Variants in NLRC5 observed in about 807,000 individuals in gnomAD.
NLRC5 encodes NLR family CARD domain containing 5, also known as protein NLRC5.
NLRC5 carries 114 observed loss-of-function variants against 206.9 expected under a neutral mutation model. The ratio of observed to expected loss-of-function variants is 0.55; its 90% confidence interval spans 0.47 to 0.64. NLRC5 has a LOEUF of 0.64. Ranked by LOEUF, NLRC5 falls within the 30% of genes least tolerant of loss-of-function variation. The pLI, the probability that NLRC5 is intolerant of heterozygous loss-of-function variation, is 0.00. For synonymous variants in NLRC5, 952 were observed against 962.8 expected (o/e 0.99, Z 0.21); for missense variants, 2,008 against 2,305.5 (o/e 0.87, Z 2.64).
intron 23 of NLRC5, 74 bp from the exon 24 acceptor site, chr16:57,051,464 C>A: frequency 1.8e-6 from 2 of 1,090,296 alleles, no homozygotes; most frequent in Non-Finnish European, 2.8e-6. Context: ...CTCCAGAAGG[C>A]TCTGGCTATG....
At chr16:57,045,949 C>T (rs547962079) in intron 21 of NLRC5, among the ~76,000 whole-genome samples, 1 of 152,366 alleles carries the variant, frequency 6.6e-6, no homozygotes, top group African/African-American at 2.4e-5. Context: ...TAGTTTAGCT[C>T]TTCATGATGT....
In NLRC5 at chr16:56,994,413, T is replaced by C. The variant is rs139659775; in HGVS notation, c.-128+4796T>C. Among the ~76,000 whole-genome samples the C allele has an allele frequency of 8.1e-4, 123 of 152,288 alleles. 2 individuals are homozygous for C. The highest frequency in any genetic ancestry group is 3.4e-3 in the Middle Eastern group (1 of 294). On this transcript the variant is annotated intron_variant, in intron 1 of 48. Transcript: ENST00000688547. ...TCATGAGTGCATTCAGCTTCTCCAC[T>C]GAGCTTCCACACACCAGGCCCTGCT...
At chr16:57,023,743 T>G in intron 4 of NLRC5, 42 bp from the exon 5 acceptor site, 1 of 1,570,786 alleles carries the variant, frequency 6.4e-7, no homozygotes, top group Non-Finnish European at 8.7e-7. Context: ...TCAGCCCAGA[T>G]CCCCAGACCC....
chr16:57,059,439 G>A (rs373852430), intron 29 of NLRC5, 28 bp from the exon 30 acceptor site: 73 of 1,589,976 alleles, frequency 4.6e-5, no homozygotes, highest in African/African-American at 9.4e-5. Context: ...TCTGGGCACC[G>A]TGCTTCCCCA....
intron 1 of NLRC5, among the ~76,000 whole-genome samples, chr16:56,999,602 T>C (rs777156811): frequency 3.9e-5 from 6 of 152,378 alleles, no homozygotes; most frequent in Non-Finnish European, 8.8e-5. Flanking sequence ...GGCTTGGGTG[T>C]GCCAAGCCCT....
chr16:57,064,614 A>G (rs1352816793), intron 32 of NLRC5, among the ~76,000 whole-genome samples: 1 of 152,272 alleles, frequency 6.6e-6, no homozygotes, highest in East Asian at 1.9e-4. Context: ...CATTATGTGA[A>G]TCTTTTCTTA....
chr16:57,078,781 C>CT lies in NLRC5; in HGVS notation c.5082-265dup, dbSNP rs1437711876. 2.6e-5 allele frequency among the ~76,000 whole-genome samples: 4 copies of CT among 152,118 alleles called. No individual in the cohort carries two copies. The South Asian group carries it at 8.3e-4, about 32-fold the overall frequency. On this transcript the variant is annotated intron_variant, in intron 43 of 48. Transcript: ENST00000688547. Reference sequence around the variant, plus strand: ...CCACCATGGCTGGCTGGTGCTGGGACTTTTATGTGCTCCCTTTTCCAGGCA... The same window carrying CT: ...CCACCATGGCTGGCTGGTGCTGGGACTTTTTATGTGCTCCCTTTTCCAGGCA...
intron 36 of NLRC5, 23 bp downstream of exon 36, chr16:57,067,851 C>G (rs1202486775): frequency 1.9e-6 from 3 of 1,583,292 alleles, no homozygotes; most frequent in Non-Finnish European, 2.6e-6. Flanking sequence ...GACATTCACT[C>G]AGTCCCCTTT....
intron 38 of NLRC5, 37 bp from the exon 39 acceptor site, chr16:57,074,563 C>T (rs1163272399): frequency 6.3e-7 from 1 of 1,593,142 alleles, no homozygotes; most frequent in South Asian, 1.1e-5. Flanking sequence ...GTGCCCCACC[C>T]CCAGATGTCA....
At chr16:57,008,980 C>A (rs1391197619) in intron 1 of NLRC5, among the ~76,000 whole-genome samples, 1 of 152,098 alleles carries the variant, frequency 6.6e-6, no homozygotes, top group Non-Finnish European at 1.5e-5. Flanking sequence ...AAATGTGAAG[C>A]CATGAAGAGA....
intron 10 of NLRC5, among the ~76,000 whole-genome samples, chr16:57,030,481 T>G (rs2061733452): frequency 7.3e-6 from 1 of 136,090 alleles, no homozygotes; most frequent in African/African-American, 2.7e-5. Context: ...GATGGATGGG[T>G]GGATGAAAAG....
intron 40 of NLRC5, 81 bp from the exon 41 acceptor site, chr16:57,077,215 A>G: frequency 7.6e-7 from 1 of 1,312,970 alleles, no homozygotes; most frequent in East Asian, 2.3e-5. Context: ...CTGGGACTTC[A>G]GCCTCCCCTT....
At chr16:57,068,304 G>A (rs1366460253) in intron 36 of NLRC5, among the ~76,000 whole-genome samples, 3 of 152,166 alleles carry the variant, frequency 2.0e-5, no homozygotes, top group East Asian at 3.9e-4. Context: ...GGTGGTGCAT[G>A]CCTGTAATCC....
intron 1 of NLRC5, among the ~76,000 whole-genome samples, chr16:57,004,273 T>C (rs1328588238): frequency 6.6e-6 from 1 of 152,122 alleles, no homozygotes; most frequent in Non-Finnish European, 1.5e-5. Flanking sequence ...ATTTATCCTT[T>C]GTTTTTGTTT....
Position 57,030,735 on chromosome 16 carries a change from C to A in NLRC5, c.2417+651C>A, listed in dbSNP as rs114833916. ...GGAATAATTAGCTGTGTGTTGCCCTCCATGGTGCTGAACCAATATAGCCAG... is the reference window on the plus strand; with the variant it reads ...GGAATAATTAGCTGTGTGTTGCCCTACATGGTGCTGAACCAATATAGCCAG... On this transcript the variant is annotated intron_variant, in intron 10 of 48. Transcript: ENST00000688547. Among the ~76,000 whole-genome samples, 725 of 152,220 alleles carry A rather than the reference C, an allele frequency of 4.8e-3. 6 individuals are homozygous for A. Among genetic ancestry groups the A allele is most frequent in the African/African-American group, 0.016 (682 of 41,524 alleles).
At chr16:57,021,198 C>A in intron 3 of NLRC5, 191 bp downstream of exon 3, 1 of 561,798 alleles carries the variant, frequency 1.8e-6, no homozygotes, top group Non-Finnish European at 3.1e-6. Context: ...TGGAGGACCC[C>A]TCCTTCTACC....
chr16:57,059,726 T>C (rs577096131), intron 30 of NLRC5, among the ~76,000 whole-genome samples, 194 bp downstream of exon 30: 3 of 152,320 alleles, frequency 2.0e-5, no homozygotes, highest in South Asian at 2.1e-4. Context: ...GGCCTTGGCA[T>C]TGAACTTGTG....
chr16:57,045,195 A>G (rs1597335627), intron 20 of NLRC5: 1 of 478,312 alleles, frequency 2.1e-6, no homozygotes, highest in East Asian at 4.0e-5. Context: ...CGACAGAGCA[A>G]GACCCTTTCT....
intron 1 of NLRC5, chr16:57,013,283 A>C: frequency 1.7e-6 from 1 of 604,420 alleles, no homozygotes; most frequent in South Asian, 1.5e-5. Flanking sequence ...AACTGTAGTG[A>C]TCACTAATAT....
Sources: gnomAD v4.1 joint callset for allele counts (sites outside exome capture counted in the v4.1 genomes callset) on GRCh38, gnomAD v4.1.1 for gene constraint, MANE v1.5 for transcripts, NCBI Gene and HGNC (gene_info 2026-07-23, HGNC 2026-07-21) for gene names.